The following FBXO34 variants were observed in gnomAD, a reference collection of about 807,000 sequenced individuals.
FBXO34 encodes F-box only protein 34.
A neutral mutation model predicts 24.5 loss-of-function variants in FBXO34; 12 were observed. That is an observed-to-expected ratio of 0.49 (90% CI 0.31 to 0.79). The LOEUF (loss-of-function observed/expected upper bound fraction) is 0.79. Among genes scored for constraint, FBXO34 ranks in the 30% least tolerant of loss-of-function variants. The pLI, the probability that FBXO34 is intolerant of heterozygous loss-of-function variation, is 0.04. For missense variants in FBXO34, 823 were observed against 857.7 expected (o/e 0.96, Z 0.51); for synonymous variants, 320 against 311.9 (o/e 1.03, Z -0.27).
the FBXO34 span, among the ~76,000 whole-genome samples, chr14:55,375,199 A>C: frequency 1.3e-5 from 2 of 152,216 alleles, no homozygotes; most frequent in Admixed American, 1.3e-4. Flanking sequence ...ATCATTTTAC[A>C]TATATTTTAT....
chr14:55,358,650 G>A (rs1884553751), intron 3 of FBXO34, among the ~76,000 whole-genome samples: 1 of 152,236 alleles, frequency 6.6e-6, no homozygotes, highest in South Asian at 2.1e-4. Flanking sequence ...CGCAGGGCAG[G>A]AAGGCCAAAG....
chr14:55,279,336 A>G (rs1436148080), intron 1 of FBXO34, among the ~76,000 whole-genome samples: 1 of 152,050 alleles, frequency 6.6e-6, no homozygotes, highest in African/African-American at 2.4e-5. Context: ...ATAATTTCCA[A>G]GTGGTGATGA....
the FBXO34 span, chr14:55,435,981 A>T: frequency 6.0e-6 from 3 of 503,900 alleles, no homozygotes; most frequent in Non-Finnish European, 8.3e-6. Context: ...TATAAAGAGT[A>T]AAAAAAAAAA....
chr14:55,303,798 C>G (rs1250831258), intron 1 of FBXO34, among the ~76,000 whole-genome samples: 1 of 151,990 alleles, frequency 6.6e-6, no homozygotes, highest in Non-Finnish European at 1.5e-5. Context: ...AGTGTGGAGG[C>G]CAGGAAGCCA....
At chr14:55,411,909 G>A in the FBXO34 span, 9 of 1,283,492 alleles carry the variant, frequency 7.0e-6, no homozygotes, top group Non-Finnish European at 8.6e-6. Context: ...GGGGAAGGGG[G>A]GCTGGGATGC....
At chr14:55,354,849 A>G (rs1399670920), downstream of FBXO34, among the ~76,000 whole-genome samples, 1 of 152,142 alleles carries the variant, frequency 6.6e-6, no homozygotes, top group Non-Finnish European at 1.5e-5. Flanking sequence ...AAATGTCTCC[A>G]GTAGTGTGCC....
At chr14:55,307,642 C>T (rs1882598648) in intron 1 of FBXO34, among the ~76,000 whole-genome samples, 1 of 152,212 alleles carries the variant, frequency 6.6e-6, no homozygotes, top group African/African-American at 2.4e-5. Flanking sequence ...AACCTACTGA[C>T]ATGAGCAAAG....
Position 55,350,428 on chromosome 14 carries a change from A to C in FBXO34, c.38A>C (p.Glu13Ala), listed in dbSNP as rs779856243. Residue 13 changes from glutamate (E) to alanine (A), a missense_variant, in exon 2 of 2, where the codon GAG becomes GCG. This residue lies in a region of FBXO34 where 693 missense variants were observed against 659.1 expected (regional missense o/e 1.05). Coordinates refer to ENST00000313833, the MANE Select transcript of FBXO34 (RefSeq NM_017943.4). ...CCATATTGGAAGCTCCAGAAGAAAG[A>C]GCACCCCCCGGAAGTCAGCAGGGAA... The part of the protein sequence containing the change: ...LKPYWKLQKK[E>A]HPPEVSRETQ... The C allele has an allele frequency of 6.3e-7, 1 of 1,599,368 alleles. No individual in the cohort carries two copies. Among genetic ancestry groups the C allele is most frequent in the African/African-American group, 1.4e-5 (1 of 73,710 alleles).
chr14:55,377,783 A>G, the FBXO34 span: 7 of 1,471,446 alleles, frequency 4.8e-6, no homozygotes, highest in African/African-American at 9.9e-5. Context: ...AGGATTCACA[A>G]AAACACTTAG....
At chr14:55,364,374 T>C (rs1884633936), downstream of FBXO34, among the ~76,000 whole-genome samples, 1 of 152,234 alleles carries the variant, frequency 6.6e-6, no homozygotes, top group Non-Finnish European at 1.5e-5. Flanking sequence ...AATAACTCTT[T>C]AGTTTACTAT....
At chr14:55,313,909 CTGTG>C (rs1173954367) in intron 1 of FBXO34, among the ~76,000 whole-genome samples, 3 of 151,916 alleles carry the variant, frequency 2.0e-5, no homozygotes, top group Non-Finnish European at 4.4e-5. Context: ...ATACTAGAAA[CTGTG>C]TGTGTGTGAG....
chr14:55,321,165 T>G (rs1037594612), intron 1 of FBXO34, among the ~76,000 whole-genome samples: 4 of 61,658 alleles, frequency 6.5e-5, no homozygotes, highest in African/African-American at 2.4e-4. Flanking sequence ...ATATGGGCGG[T>G]TTTTTTTTTT....
At position 55,331,745 on chromosome 14, in the gene FBXO34, GTATATATATATATATGTATA is replaced by G. The variant is rs1883574353; in HGVS notation, c.-10-18621_-10-18602del. ...TATATATATGTATATATATATGTGT[GTATATATATATATATGTATA>G]TATATATATATATACCACCATGGTG... On this transcript the variant is annotated intron_variant, in intron 1 of 1. Transcript: ENST00000313833. Among the ~76,000 whole-genome samples the G allele has an allele frequency of 1.0e-4, 4 of 38,634 alleles. 2 individuals carry two copies. Among genetic ancestry groups the G allele is most frequent in the Non-Finnish European group, 1.6e-4 (4 of 24,614 alleles). The allele number at this position is 38,634 out of a possible 152,430, so 25.3% of individuals were successfully genotyped here. A position where few individuals can be genotyped will look rare whatever the true frequency, so the allele number is the denominator to read the frequency against.
At chr14:55,432,974 G>A in the FBXO34 span, among the ~76,000 whole-genome samples, 13 of 152,176 alleles carry the variant, frequency 8.5e-5, no homozygotes, top group African/African-American at 3.1e-4. Context: ...TATCTGCAAT[G>A]AGGAAAATCC....
intron 1 of FBXO34, among the ~76,000 whole-genome samples, chr14:55,313,511 T>A (rs1169067149): frequency 1.3e-5 from 2 of 152,190 alleles, no homozygotes; most frequent in Non-Finnish European, 2.9e-5. Flanking sequence ...TTGATATCAA[T>A]TTACTGTATT....
At chr14:55,279,550 C>T (rs1227367942) in intron 1 of FBXO34, among the ~76,000 whole-genome samples, 1 of 152,154 alleles carries the variant, frequency 6.6e-6, no homozygotes, top group African/African-American at 2.4e-5. Flanking sequence ...CTCAGTTTAA[C>T]GACACCCTGA....
At chr14:55,386,381 G>A in the FBXO34 span, among the ~76,000 whole-genome samples, 1 of 152,192 alleles carries the variant, frequency 6.6e-6, no homozygotes, top group Non-Finnish European at 1.5e-5. Context: ...AGCACAGGAA[G>A]GACCTGATTT....
At chr14:55,364,387 T>C (rs190150277), downstream of FBXO34, among the ~76,000 whole-genome samples, 1 of 152,352 alleles carries the variant, frequency 6.6e-6, no homozygotes, top group East Asian at 1.9e-4. Flanking sequence ...TTTACTATCC[T>C]CTTTCTTGGA....
At position 55,350,939 on chromosome 14, in the gene FBXO34, C is replaced by T. The variant is rs1388498803; in HGVS notation, c.549C>T (p.Gly183=). 4 of 1,613,960 alleles carry T rather than the reference C, an allele frequency of 2.5e-6. No individual in the cohort carries two copies. Among genetic ancestry groups the T allele is most frequent in the Middle Eastern group, 1.6e-4 (1 of 6,062 alleles). Residue 183 remains glycine, a synonymous_variant, in exon 2 of 2, where the codon GGC becomes GGT. Coordinates refer to ENST00000313833, the MANE Select transcript of FBXO34 (RefSeq NM_017943.4). ...RCYQPEPFAC[G]IEHCSVHYVS... The stretch of plus-strand genomic sequence containing the variant: ...ACCAACCTGAGCCTTTTGCATGTGG[C>T]ATTGAGCACTGTTCTGTGCACTATG...
Sources: allele counts gnomAD v4.1 joint callset (sites outside exome capture counted in the v4.1 genomes callset), GRCh38; gene constraint gnomAD v4.1.1; regional missense constraint gnomAD v4.1.1; transcripts MANE v1.5; gene names NCBI Gene and HGNC (gene_info 2026-07-23, HGNC 2026-07-21).